The following PLXNA4 variants were observed in gnomAD, a reference collection of about 807,000 sequenced individuals.
PLXNA4 encodes plexin-A4.
PLXNA4 carries 44 observed loss-of-function variants against 191.8 expected under a neutral mutation model. That is an observed-to-expected ratio of 0.23 (90% CI 0.18 to 0.29). The LOEUF (loss-of-function observed/expected upper bound fraction) is 0.29. PLXNA4 is among the 10% of genes least tolerant of loss of function. The pLI is 1.00. For missense variants in PLXNA4, 1,800 were observed against 2,488.8 expected, an observed-to-expected ratio of 0.72 and a Z score of 5.89; for synonymous variants, 1,082 against 1,009.5, an observed-to-expected ratio of 1.07 and a Z score of -1.36.
chr7:132,193,808 G>T (rs1021743840), intron 14 of PLXNA4, among the ~76,000 whole-genome samples: 1 of 152,130 alleles, frequency 6.6e-6, no homozygotes, highest in Non-Finnish European at 1.5e-5. Context: ...TGGGGACTCT[G>T]GGCCCTGAGA....
intron 10 of PLXNA4, among the ~76,000 whole-genome samples, chr7:132,205,330 G>C (rs373795069): frequency 2.6e-5 from 4 of 152,118 alleles, no homozygotes; most frequent in African/African-American, 9.7e-5. Context: ...CAGATCTGCC[G>C]GACTGGAATC....
At chr7:132,611,448 C>G (rs1803044913) in intron 2 of PLXNA4, among the ~76,000 whole-genome samples, 2 of 152,224 alleles carry the variant, frequency 1.3e-5, no homozygotes, top group African/African-American at 2.4e-5. Flanking sequence ...TCAAAAGTGA[C>G]AGCAGTGGGG....
intron 3 of PLXNA4, among the ~76,000 whole-genome samples, chr7:132,452,554 C>A (rs535829705): frequency 5.9e-5 from 9 of 152,324 alleles, no homozygotes; most frequent in African/African-American, 1.7e-4. Context: ...CATTAGTGAG[C>A]CCTCACACAC....
At chr7:132,330,311 C>G (rs1802541497) in intron 3 of PLXNA4, among the ~76,000 whole-genome samples, 1 of 152,150 alleles carries the variant, frequency 6.6e-6, no homozygotes, top group South Asian at 2.1e-4. Flanking sequence ...ATCAGGAGAC[C>G]TCTGGGACAC....
At chr7:132,617,784 T>C (rs1585408324) in intron 2 of PLXNA4, among the ~76,000 whole-genome samples, 1 of 152,200 alleles carries the variant, frequency 6.6e-6, no homozygotes, top group Non-Finnish European at 1.5e-5. Flanking sequence ...ACCTGATATA[T>C]GACCTAAAAT....
At position 132,543,104 on chromosome 7, in the gene PLXNA4, G is replaced by T. The variant is rs183254209; in HGVS notation, c.-87+33318C>A. 6.3e-3 allele frequency among the ~76,000 whole-genome samples: 955 copies of T among 152,294 alleles called. 7 individuals are homozygous for T. Among genetic ancestry groups the T allele is most frequent in the Middle Eastern group, 0.017 (5 of 294 alleles). On this transcript the variant is annotated intron_variant, in intron 1 of 31. Transcript: ENST00000321063. ...GATTTATTTGTAGAAATAATACAAT[G>T]ACTAGGATAAGGTATCTTCCTCCAG...
chr7:132,438,753 AGATGTGCTT>A (rs1795573340), intron 3 of PLXNA4, among the ~76,000 whole-genome samples: 1 of 152,208 alleles, frequency 6.6e-6, no homozygotes, highest in Non-Finnish European at 1.5e-5. Context: ...GTGGAGTTTT[AGATGTGCTT>A]AATATTGACA....
chr7:132,330,613 G>T (rs969462443), intron 3 of PLXNA4, among the ~76,000 whole-genome samples: 8 of 152,232 alleles, frequency 5.3e-5, no homozygotes, highest in African/African-American at 1.9e-4. Context: ...CCCCAACTGT[G>T]TCTGCATCTG....
intron 4 of PLXNA4, among the ~76,000 whole-genome samples, chr7:132,293,069 G>A (rs867862450): frequency 2.0e-5 from 3 of 152,194 alleles, no homozygotes; most frequent in Non-Finnish European, 2.9e-5. Context: ...CAGAGGTGGA[G>A]ATGAGTCACA....
At chr7:132,297,452 C>G (rs76061900) in intron 4 of PLXNA4, among the ~76,000 whole-genome samples, 1,981 of 152,288 alleles carry the variant, frequency 0.013, 40 homozygotes, top group African/African-American at 0.045. Context: ...CAGAAAAACT[C>G]ACTTCGTTCT....
chr7:132,493,753 GGATGGATGGA>G, intron 2 of PLXNA4, among the ~76,000 whole-genome samples: 1 of 9,306 alleles, frequency 1.1e-4, no homozygotes, highest in Non-Finnish European at 4.7e-4. Flanking sequence ...ATGGGTGGAT[GGATGGATGGA>G]TGGATGGATG....
At chr7:132,272,830 G>A (rs866934538) in intron 4 of PLXNA4, among the ~76,000 whole-genome samples, 2 of 152,184 alleles carry the variant, frequency 1.3e-5, no homozygotes, top group Middle Eastern at 3.4e-3. Context: ...ATTCATCCTT[G>A]AAACCCAGCT....
intron 3 of PLXNA4, among the ~76,000 whole-genome samples, chr7:132,378,998 A>G (rs541123724): frequency 6.6e-6 from 1 of 152,028 alleles, no homozygotes; most frequent in East Asian, 1.9e-4. Context: ...TTATAGGTGC[A>G]CACTACCACA....
chr7:132,465,236 G>A (rs549206173), intron 3 of PLXNA4, among the ~76,000 whole-genome samples: 27 of 152,294 alleles, frequency 1.8e-4, no homozygotes, highest in African/African-American at 6.3e-4. Flanking sequence ...GCTGCATTGG[G>A]TCCCCTGAGC....
rs1184559146 is a variant in PLXNA4, at chr7:132,124,765, G to A, written c.*5714C>T. 6.6e-6 allele frequency: 1 copy of A among 152,226 alleles called. No homozygotes were observed. Among genetic ancestry groups the A allele is most frequent in the South Asian group, 2.1e-4 (1 of 4,836 alleles). The allele number at this position is 152,226 out of a possible 1,614,324, so 9.4% of individuals were successfully genotyped here. A position where few individuals can be genotyped will look rare whatever the true frequency, so the allele number is the denominator to read the frequency against. The stretch of plus-strand genomic sequence containing the variant: ...TCAAAGCGGGTGGGAATGGAATAAA[G>A]TGAGGCTCCCGCAACCCAGGATTTT... On this transcript the variant is annotated 3_prime_UTR_variant, in exon 32 of 32. Coordinates refer to ENST00000321063, the MANE Select transcript of PLXNA4 (RefSeq NM_020911.2).
chr7:132,304,711 C>T (rs1801441071), intron 3 of PLXNA4, among the ~76,000 whole-genome samples: 2 of 145,968 alleles, frequency 1.4e-5, no homozygotes, highest in African/African-American at 2.7e-5. Flanking sequence ...AGTGACCTTG[C>T]TAATAATTTG....
At chr7:132,132,496 TTTTCTA>T (rs869242662) in intron 31 of PLXNA4, among the ~76,000 whole-genome samples, 6,713 of 31,680 alleles carry the variant, frequency 0.21, 465 homozygotes, top group East Asian at 0.24. Context: ...TGCTCTATTC[TTTTCTA>T]TTCTATTCTA....
intron 3 of PLXNA4, among the ~76,000 whole-genome samples, chr7:132,378,766 G>T (rs1804766074): frequency 6.6e-6 from 1 of 151,738 alleles, no homozygotes; most frequent in South Asian, 2.1e-4. Flanking sequence ...TCACTCAATG[G>T]TATCAGGAGG....
chr7:132,166,749 G>A (rs572470281), intron 22 of PLXNA4, among the ~76,000 whole-genome samples: 4 of 152,070 alleles, frequency 2.6e-5, no homozygotes, highest in East Asian at 2.0e-4. Context: ...GCGAGACCAC[G>A]CCAGAAAGTT....
Sources: gnomAD v4.1 joint callset for allele counts (sites outside exome capture counted in the v4.1 genomes callset) on GRCh38, gnomAD v4.1.1 for gene constraint, MANE v1.5 for transcripts, NCBI Gene and HGNC (gene_info 2026-07-23, HGNC 2026-07-21) for gene names.